The following TRIM27 variants were observed in gnomAD, a reference collection of about 807,000 sequenced individuals.
TRIM27 encodes the protein zinc finger protein RFP.
A neutral mutation model predicts 57.6 loss-of-function variants in TRIM27; 12 were observed. That is an observed-to-expected ratio of 0.21 (90% CI 0.13 to 0.34). The LOEUF is 0.34. TRIM27 is among the 10% of genes least tolerant of loss of function. The pLI is 1.00. For synonymous variants in TRIM27, 266 were observed against 259.0 expected, an observed-to-expected ratio of 1.03 and a Z score of -0.26; for missense variants, 403 against 656.8, an observed-to-expected ratio of 0.61 and a Z score of 4.22.
Position 28,904,010 on chromosome 6 carries a change from GATGCCTTGTGCCTGGCGTAGGATT to G in TRIM27, c.*36_*59del. 1 of 1,435,178 alleles carries G rather than the reference GATGCCTTGTGCCTGGCGTAGGATT, an allele frequency of 7.0e-7. No individual in the cohort carries two copies. Among genetic ancestry groups the G allele is most frequent in the Non-Finnish European group, 9.6e-7 (1 of 1,039,138 alleles). 88.9% of individuals were successfully genotyped at this position (1,435,178 alleles called of 1,614,324 possible). A position where few individuals can be genotyped will look rare whatever the true frequency, so the allele number is the denominator to read the frequency against. On this transcript the variant is annotated 3_prime_UTR_variant, in exon 8 of 8. Transcript: ENST00000377199. This position sits in a 1 kb window ranked among gnomAD's most constrained non-coding sequence, Gnocchi z 6.1. Reference sequence around the variant, plus strand: ...GTGACAGGACGTGGCAAGGCAACAAGATGCCTTGTGCCTGGCGTAGGATTACAGCCAACAGCCCTTTTGGCCTGA... The same window carrying G: ...GTGACAGGACGTGGCAAGGCAACAAGACAGCCAACAGCCCTTTTGGCCTGA...
At chr6:28,908,645 G>A (rs771850929) in intron 6 of TRIM27, 163 bp downstream of exon 6, 35 of 609,476 alleles carry the variant, frequency 5.7e-5, no homozygotes, top group Non-Finnish European at 9.1e-5. Context: ...AGAACAAGAA[G>A]CTGTTAATTG....
chr6:28,911,819 T>TGGGAGAAATTA (rs1773230425), intron 3 of TRIM27, 101 bp from the exon 4 acceptor site: 2 of 1,135,626 alleles, frequency 1.8e-6, no homozygotes, highest in Middle Eastern at 2.0e-4. Context: ...CTGGCTCTCA[T>TGGGAGAAATTA]GGGAGAAATT....
Position 28,923,832 on chromosome 6 carries a change from C to T in TRIM27, c.-200G>A, listed in dbSNP as rs1048212763. The T allele has an allele frequency of 7.0e-6, 4 of 567,920 alleles. No individual in the cohort carries two copies. Among genetic ancestry groups the T allele is most frequent in the Non-Finnish European group, 1.2e-5 (4 of 338,184 alleles). The allele number at this position is 567,920 out of a possible 1,614,324, so 35.2% of individuals were successfully genotyped here. On this transcript the variant is annotated 5_prime_UTR_variant, in exon 1 of 8. Coordinates refer to ENST00000377199, the MANE Select transcript of TRIM27 (RefSeq NM_006510.5). ...CCGGGCCGATGCCTGCGCCTGTGCC[C>T]CCTAAGCGAGAGCGGGAATACGGCC...
intron 4 of TRIM27, among the ~76,000 whole-genome samples, chr6:28,910,676 G>A (rs1179666078): frequency 6.6e-6 from 1 of 152,068 alleles, no homozygotes; most frequent in Non-Finnish European, 1.5e-5. Flanking sequence ...ATAAAATTTT[G>A]GGTTTCCTAT....
chr6:28,913,269 A>AATATATATATATAT (rs1219781094), intron 3 of TRIM27, among the ~76,000 whole-genome samples: 3 of 135,574 alleles, frequency 2.2e-5, no homozygotes, highest in Admixed American at 7.4e-5. Flanking sequence ...AAAAAAAAAA[A>AATATATATATATAT]ATATATATAT....
At chr6:28,911,127 A>C (rs1329026384) in intron 4 of TRIM27, among the ~76,000 whole-genome samples, 2 of 152,076 alleles carry the variant, frequency 1.3e-5, no homozygotes, top group Non-Finnish European at 2.9e-5. Flanking sequence ...CCATCCTGCA[A>C]AACAACTTTG....
chr6:28,913,586 T>TC (rs1441741048), intron 3 of TRIM27, among the ~76,000 whole-genome samples: 2 of 152,034 alleles, frequency 1.3e-5, no homozygotes, highest in Non-Finnish European at 2.9e-5. Context: ...TGAGTGTCTC[T>TC]CCGACACTTC....
intron 6 of TRIM27, chr6:28,907,687 A>T: frequency 2.2e-6 from 1 of 447,860 alleles, no homozygotes; most frequent in South Asian, 1.8e-5. Flanking sequence ...AAACATGACC[A>T]TTCATTTATA....
Position 28,904,507 on chromosome 6 carries a change from C to T in TRIM27, c.1105G>A (p.Gly369Arg), listed in dbSNP as rs1204442322. 6.2e-7 allele frequency: 1 copy of T among 1,612,906 alleles called. No homozygotes were observed. Among genetic ancestry groups the T allele is most frequent in the Non-Finnish European group, 8.5e-7 (1 of 1,180,016 alleles). Residue 369 changes from glycine to arginine, a missense_variant, in exon 8 of 8, where the codon GGG becomes AGG. Transcript: ENST00000377199. The surrounding 1 kb of genome is among the most constrained non-coding windows in gnomAD (Gnocchi z 6.1). The stretch of plus-strand genomic sequence containing the variant: ...ACCTCTACCTCCCAATAATGTCTCC[C>T]GGCGATGAAGCATGGAGAGCCCAAG... ...CVLGSPCFIAGRHYWEVEVGD... is the reference protein window; with the variant it reads ...CVLGSPCFIARRHYWEVEVGD...
intron 4 of TRIM27, 43 bp downstream of exon 4, chr6:28,911,653 C>T: frequency 1.3e-6 from 2 of 1,596,990 alleles, no homozygotes; most frequent in Non-Finnish European, 1.7e-6. Context: ...AGGAGACAGT[C>T]TTCTCATATT....
At chr6:28,920,516 T>TA (rs934872567) in intron 2 of TRIM27, among the ~76,000 whole-genome samples, 3 of 152,098 alleles carry the variant, frequency 2.0e-5, no homozygotes, top group African/African-American at 7.2e-5. Context: ...TAATTAAAGA[T>TA]AGGGTGACAG....
At chr6:28,911,372 G>A (rs984543848) in intron 4 of TRIM27, 3 of 287,790 alleles carry the variant, frequency 1.0e-5, no homozygotes, top group Non-Finnish European at 1.3e-5. Context: ...AGGGGGAAAG[G>A]ATTCTGAAAT....
rs745462744 is a variant in TRIM27, at chr6:28,923,684, A to C, written c.-52T>G. ...CATGGGCCCCGGCGCCGAGCTCTGCACTGAGCCCAACTCTCCGGCGCTCTC... is the reference window on the plus strand; with the variant it reads ...CATGGGCCCCGGCGCCGAGCTCTGCCCTGAGCCCAACTCTCCGGCGCTCTC... On this transcript the variant is annotated 5_prime_UTR_variant, in exon 1 of 8. Coordinates refer to ENST00000377199, the MANE Select transcript of TRIM27 (RefSeq NM_006510.5). 1 of 1,451,108 alleles carries C rather than the reference A, an allele frequency of 6.9e-7. No homozygotes were observed. The allele number at this position is 1,451,108 out of a possible 1,614,324, so 89.9% of individuals were successfully genotyped here. A position where few individuals can be genotyped will look rare whatever the true frequency, so the allele number is the denominator to read the frequency against.
At chr6:28,918,271 G>A (rs977447865) in intron 3 of TRIM27, among the ~76,000 whole-genome samples, 5 of 151,856 alleles carry the variant, frequency 3.3e-5, no homozygotes, top group South Asian at 4.2e-4. Context: ...ATCCTGTCTC[G>A]TCTCTAAGTA....
At position 28,923,822 on chromosome 6, in the gene TRIM27, C is replaced by T; in HGVS notation, c.-190G>A. The T allele has an allele frequency of 1.6e-6, 1 of 610,784 alleles. No individual in the cohort carries two copies. Among genetic ancestry groups the T allele is most frequent in the South Asian group, 2.3e-5 (1 of 43,650 alleles). 37.8% of individuals were successfully genotyped at this position (610,784 alleles called of 1,614,324 possible). ...CTTGGAGTGGCCGGGCCGATGCCTG[C>T]GCCTGTGCCCCCTAAGCGAGAGCGG... On this transcript the variant is annotated 5_prime_UTR_variant, in exon 1 of 8. Transcript: ENST00000377199.
chr6:28,923,582 G>A lies in TRIM27; in HGVS notation c.51C>T (p.Pro17=). 1 of 1,604,038 alleles carries A rather than the reference G, an allele frequency of 6.2e-7. No homozygotes were observed. The highest frequency in any genetic ancestry group is 8.5e-7 in the Non-Finnish European group (1 of 1,174,316). ...AECLQQETTC[P]VCLQYFAEPM... is the part of the protein sequence containing the mutation. Reference sequence around the variant, plus strand: ...GCTCTGCGAAGTACTGCAGGCACACGGGGCAGGTGGTCTCCTGCTGCAGGC... The same window carrying A: ...GCTCTGCGAAGTACTGCAGGCACACAGGGCAGGTGGTCTCCTGCTGCAGGC... Residue 17 remains proline (P), a synonymous_variant, in exon 1 of 8, where the codon CCC becomes CCT. Coordinates refer to ENST00000377199, the MANE Select transcript of TRIM27 (RefSeq NM_006510.5).
rs187819766 is a variant in TRIM27, at chr6:28,918,749, G to A, written c.747+1263C>T. 5.6e-3 allele frequency among the ~76,000 whole-genome samples: 855 copies of A among 151,916 alleles called. 5 individuals carry two copies. The highest frequency in any genetic ancestry group is 0.019 in the African/African-American group (776 of 41,470). On this transcript the variant is annotated intron_variant, in intron 3 of 7. Coordinates refer to ENST00000377199, the MANE Select transcript of TRIM27 (RefSeq NM_006510.5). ...AAATTAGCCAGCCATGGTGGTGTGC[G>A]CCTGTAATCTCAGCTACTCAGGAGG...
intron 4 of TRIM27, among the ~76,000 whole-genome samples, chr6:28,909,994 G>A (rs1303593534): frequency 6.6e-6 from 1 of 151,994 alleles, no homozygotes; most frequent in Non-Finnish European, 1.5e-5. Context: ...TAACATGACA[G>A]GAAACAGTGG....
At chr6:28,912,793 AT>A (rs1562161987) in intron 3 of TRIM27, among the ~76,000 whole-genome samples, 1 of 152,168 alleles carries the variant, frequency 6.6e-6, no homozygotes, top group South Asian at 2.1e-4. Flanking sequence ...GATTTTTAAA[AT>A]TTTTTATTGA....
Sources: gnomAD v4.1 joint callset for allele counts (sites outside exome capture counted in the v4.1 genomes callset) on GRCh38, gnomAD v4.1.1 for gene constraint, Gnocchi (gnomAD v3.1) non-coding constraint, MANE v1.5 for transcripts, NCBI Gene and HGNC (gene_info 2026-07-23, HGNC 2026-07-21) for gene names.